Variants in TCF12 observed in about 807,000 individuals in gnomAD.
TCF12 encodes the protein transcription factor 12.
TCF12 carries 45 observed loss-of-function variants against 86.0 expected under a neutral mutation model. The observed-to-expected ratio is 0.52, with a 90% CI of 0.41 to 0.67. The LOEUF is 0.67. TCF12 is among the 30% of genes least tolerant of loss of function. The pLI is 0.00. For missense variants in TCF12, 881 were observed against 859.9 expected (o/e 1.02, Z -0.31); for synonymous variants, 330 against 299.6 (o/e 1.10, Z -1.05).
chr15:56,939,135 C>T (rs577308303), intron 3 of TCF12, among the ~76,000 whole-genome samples: 23 of 152,238 alleles, frequency 1.5e-4, no homozygotes, highest in African/African-American at 3.6e-4. Flanking sequence ...CTTTCATTTA[C>T]GAAATCTTCC....
chr15:57,004,892 C>G (rs1233696843), intron 3 of TCF12, among the ~76,000 whole-genome samples: 1 of 152,182 alleles, frequency 6.6e-6, no homozygotes, highest in Admixed American at 6.5e-5. Flanking sequence ...ATTCAGTTCT[C>G]TATGTTTTCA....
intron 3 of TCF12, among the ~76,000 whole-genome samples, chr15:56,951,960 C>A (rs1447427939): frequency 6.6e-6 from 1 of 152,014 alleles, no homozygotes; most frequent in Non-Finnish European, 1.5e-5. Context: ...ACTTTTAGAA[C>A]TTTTAAGATT....
intron 3 of TCF12, among the ~76,000 whole-genome samples, chr15:56,928,041 T>C (rs1258058103): frequency 6.6e-6 from 1 of 152,150 alleles, no homozygotes; most frequent in East Asian, 1.9e-4. Context: ...AGCCCTTGAA[T>C]TCCTGACTTT....
chr15:57,063,692 CA>C, intron 3 of TCF12, 57 bp from the exon 4 acceptor site: 12 of 1,500,424 alleles, frequency 8.0e-6, no homozygotes, highest in Admixed American at 1.7e-5. Flanking sequence ...TGTCCCGTAC[CA>C]AAAAAATCCA....
At chr15:57,115,306 G>C (rs776871368) in intron 5 of TCF12, among the ~76,000 whole-genome samples, 1 of 152,108 alleles carries the variant, frequency 6.6e-6, no homozygotes, top group Non-Finnish European at 1.5e-5. Context: ...CAAAACATAA[G>C]TGTATTTTAG....
At chr15:57,238,441 C>T (rs2059468453) in intron 12 of TCF12, among the ~76,000 whole-genome samples, 2 of 152,188 alleles carry the variant, frequency 1.3e-5, no homozygotes, top group South Asian at 2.1e-4. Flanking sequence ...GCCTACCTAA[C>T]AGTGTGATAT....
At chr15:57,010,275 A>G (rs1435683181) in intron 3 of TCF12, among the ~76,000 whole-genome samples, 1 of 152,000 alleles carries the variant, frequency 6.6e-6, no homozygotes, top group African/African-American at 2.4e-5. Flanking sequence ...CTGGTGGGCA[A>G]GCAGAAGTCA....
At chr15:57,119,467 T>C (rs1422761866) in intron 5 of TCF12, among the ~76,000 whole-genome samples, 2 of 148,714 alleles carry the variant, frequency 1.3e-5, no homozygotes, top group African/African-American at 2.5e-5. Context: ...GCTTTTTTTT[T>C]TTAAGTATCT....
chr15:56,930,713 T>A (rs1286494482), intron 3 of TCF12, among the ~76,000 whole-genome samples: 1 of 140,940 alleles, frequency 7.1e-6, no homozygotes, highest in African/African-American at 2.9e-5. Flanking sequence ...GTTTTTTTTT[T>A]ATTCTAGGTG....
intron 6 of TCF12, among the ~76,000 whole-genome samples, chr15:57,172,040 T>TAAA (rs769694795): frequency 2.0e-5 from 3 of 152,310 alleles, no homozygotes. Context: ...ATGACAGCTT[T>TAAA]AAAAACTGTA....
chr15:57,064,779 G>T (rs1455596206), intron 4 of TCF12, among the ~76,000 whole-genome samples: 1 of 110,022 alleles, frequency 9.1e-6, no homozygotes, highest in Non-Finnish European at 1.7e-5. Context: ...CTGGGCCACA[G>T]AGTGAGACTC....
At chr15:57,028,239 G>C (rs1206762047) in intron 3 of TCF12, among the ~76,000 whole-genome samples, 1 of 152,098 alleles carries the variant, frequency 6.6e-6, no homozygotes, top group Non-Finnish European at 1.5e-5. Flanking sequence ...AAGATTATAG[G>C]TGTGAGCCAC....
chr15:56,946,706 G>A (rs1198887466), intron 3 of TCF12, among the ~76,000 whole-genome samples: 1 of 151,688 alleles, frequency 6.6e-6, no homozygotes, highest in Non-Finnish European at 1.5e-5. Flanking sequence ...AGAGATGTAA[G>A]GCTTTTTTTC....
Position 57,208,151 on chromosome 15 carries a change from G to C in TCF12, c.579+10326G>C, listed in dbSNP as rs367717820. 1.9e-3 allele frequency among the ~76,000 whole-genome samples: 283 copies of C among 150,448 alleles called. 1 individual carries two copies. The highest frequency in any genetic ancestry group is 6.6e-3 in the African/African-American group (272 of 40,928). ...CGGGTTCAAGCAAATCTCTGCCTCA[G>C]CCTCCTGAGTAGCTGGGATTGCAGG... On this transcript the variant is annotated intron_variant, in intron 8 of 20. Coordinates refer to ENST00000333725, the MANE Select transcript of TCF12 (RefSeq NM_207037.2).
intron 3 of TCF12, among the ~76,000 whole-genome samples, chr15:57,045,778 C>G (rs2067194186): frequency 6.6e-6 from 1 of 151,960 alleles, no homozygotes; most frequent in Non-Finnish European, 1.5e-5. Flanking sequence ...ACTGCTGGAC[C>G]CAAGCGATGT....
At chr15:57,089,018 G>A (rs993460437) in intron 4 of TCF12, among the ~76,000 whole-genome samples, 4 of 152,150 alleles carry the variant, frequency 2.6e-5, no homozygotes, top group Admixed American at 1.3e-4. Context: ...GGAATGACAG[G>A]AATAATCCCA....
At chr15:57,248,270 A>G (rs1190718843) in intron 13 of TCF12, among the ~76,000 whole-genome samples, 1 of 152,200 alleles carries the variant, frequency 6.6e-6, no homozygotes, top group Non-Finnish European at 1.5e-5. Context: ...GGGGCTAAGA[A>G]TAGAATTGCT....
chr15:57,279,905 T>TTTTTTC, intron 19 of TCF12, among the ~76,000 whole-genome samples: 1 of 106,736 alleles, frequency 9.4e-6, no homozygotes, highest in South Asian at 3.2e-4. Flanking sequence ...TTTTTTTTTT[T>TTTTTTC]TGGAGACAGA....
At chr15:57,083,477 C>T (rs112927342) in intron 4 of TCF12, among the ~76,000 whole-genome samples, 11 of 151,630 alleles carry the variant, frequency 7.3e-5, no homozygotes, top group African/African-American at 2.4e-4. Context: ...GAAAAATAAA[C>T]GACTGTTTTA....
Sources: allele counts gnomAD v4.1 joint callset (sites outside exome capture counted in the v4.1 genomes callset), GRCh38; gene constraint gnomAD v4.1.1; transcripts MANE v1.5; gene names NCBI Gene and HGNC (gene_info 2026-07-23, HGNC 2026-07-21).